The following PDZD9 variants were observed in gnomAD, a reference collection of about 807,000 sequenced individuals.
PDZD9 encodes the protein PDZ domain-containing protein 9.
A neutral mutation model predicts 16.3 loss-of-function variants in PDZD9; 13 were observed. That is an observed-to-expected ratio of 0.80 (90% confidence interval 0.52 to 1.27). PDZD9 has a LOEUF of 1.27. Among genes scored for constraint, PDZD9 ranks in the 50% most tolerant of loss-of-function variants. The pLI, the probability that PDZD9 is intolerant of heterozygous loss-of-function variation, is 0.00. For synonymous variants in PDZD9, 120 were observed against 111.0 expected (o/e 1.08, Z -0.51); for missense variants, 288 against 310.9 (o/e 0.93, Z 0.55).
At chr16:21,962,491 A>C in the PDZD9 span, 1 of 1,614,122 alleles carries the variant, frequency 6.2e-7, no homozygotes, top group Non-Finnish European at 8.5e-7. Flanking sequence ...CATGGCTTAT[A>C]CTGTGGAATG....
At chr16:21,973,083 G>C in the PDZD9 span, among the ~76,000 whole-genome samples, 1 of 152,196 alleles carries the variant, frequency 6.6e-6, no homozygotes, top group African/African-American at 2.4e-5. Flanking sequence ...CTGGGTGACA[G>C]AGCAAGACTC....
the PDZD9 span, chr16:21,971,800 G>T: frequency 7.0e-7 from 1 of 1,421,688 alleles, no homozygotes; most frequent in East Asian, 2.3e-5. Context: ...GGATGGCATG[G>T]GGAAAGCACC....
chr16:22,000,774 A>C (rs967296447), intron 1 of PDZD9, among the ~76,000 whole-genome samples: 4 of 151,156 alleles, frequency 2.6e-5, no homozygotes, highest in Admixed American at 6.6e-5. Flanking sequence ...CAGTGAGCTG[A>C]GATCGCGCCA....
At chr16:21,978,535 T>C in the PDZD9 span, among the ~76,000 whole-genome samples, 1 of 152,168 alleles carries the variant, frequency 6.6e-6, no homozygotes, top group South Asian at 2.1e-4. Flanking sequence ...TTTTCCATCA[T>C]ACCCTATGCT....
chr16:21,998,829 G>C (rs1899218108), intron 1 of PDZD9: 1 of 148,602 alleles, frequency 6.7e-6, no homozygotes. Flanking sequence ...TTGACAAAGT[G>C]AAGTTGGATG....
chr16:21,993,392 T>C, intron 2 of PDZD9, among the ~76,000 whole-genome samples: 1 of 152,232 alleles, frequency 6.6e-6, no homozygotes, highest in East Asian at 1.9e-4. Flanking sequence ...GGACCTGTCC[T>C]GGAGTTCTTT....
At chr16:21,973,358 C>T in the PDZD9 span, among the ~76,000 whole-genome samples, 1 of 151,970 alleles carries the variant, frequency 6.6e-6, no homozygotes, top group African/African-American at 2.4e-5. Context: ...TCGGGTTCAC[C>T]CTAGAGAGCT....
the PDZD9 span, among the ~76,000 whole-genome samples, chr16:21,961,686 G>C: frequency 8.5e-6 from 1 of 118,238 alleles, no homozygotes; most frequent in Non-Finnish European, 1.9e-5. Flanking sequence ...CAGTCTCGCT[G>C]TGTCGCCCAG....
At chr16:21,995,389 G>A (rs998848337) in intron 2 of PDZD9, 6 of 385,360 alleles carry the variant, frequency 1.6e-5, no homozygotes, top group Non-Finnish European at 2.1e-5. Flanking sequence ...GTGCAAGAAC[G>A]GACTAATATA....
chr16:21,988,927 C>CATT, intron 2 of PDZD9, 136 bp from the exon 3 acceptor site: 1 of 598,314 alleles, frequency 1.7e-6, no homozygotes, highest in Non-Finnish European at 2.6e-6. Context: ...CAGGCTTCAG[C>CATT]CTTTTTTTTT....
the PDZD9 span, among the ~76,000 whole-genome samples, chr16:21,960,066 C>T: frequency 6.6e-6 from 1 of 152,180 alleles, no homozygotes; most frequent in Admixed American, 6.5e-5. Flanking sequence ...TCACCAGCTG[C>T]ATTAGTCCCC....
chr16:21,962,544 C>G, the PDZD9 span: 1 of 1,613,956 alleles, frequency 6.2e-7, no homozygotes, highest in East Asian at 2.2e-5. Flanking sequence ...TTTAGGACTT[C>G]TGCTTTGAAA....
the PDZD9 span, chr16:21,962,890 G>A: frequency 3.1e-6 from 5 of 1,612,778 alleles, no homozygotes; most frequent in Non-Finnish European, 4.2e-6. Flanking sequence ...AGACTCGTAA[G>A]TACATTTCCA....
chr16:21,986,295 G>T (rs1213191274), intron 3 of PDZD9, among the ~76,000 whole-genome samples: 1 of 152,180 alleles, frequency 6.6e-6, no homozygotes, highest in African/African-American at 2.4e-5. Context: ...AAGGGAATCA[G>T]CAGGTGCTTG....
the PDZD9 span, among the ~76,000 whole-genome samples, chr16:21,972,432 T>G: frequency 6.6e-6 from 1 of 152,214 alleles, no homozygotes; most frequent in Non-Finnish European, 1.5e-5. Flanking sequence ...AGATTCTAAC[T>G]AGTCTTTTTT....
chr16:21,958,829 T>C, the PDZD9 span, among the ~76,000 whole-genome samples: 1 of 152,168 alleles, frequency 6.6e-6, no homozygotes, highest in Non-Finnish European at 1.5e-5. Flanking sequence ...CTCAGAGATG[T>C]TGCAGGTTCT....
At chr16:21,972,097 C>T in the PDZD9 span, 1 of 1,613,854 alleles carries the variant, frequency 6.2e-7, no homozygotes, top group Non-Finnish European at 8.5e-7. Context: ...CAGGCTGTTG[C>T]CAAGGCAACT....
chr16:21,999,973 G>C (rs1186664034), intron 1 of PDZD9, among the ~76,000 whole-genome samples: 1 of 152,174 alleles, frequency 6.6e-6, no homozygotes, highest in Admixed American at 6.5e-5. Flanking sequence ...CCTGGAAGGC[G>C]GGGGTTGCAG....
At chr16:21,999,152 G>C (rs985849946) in intron 1 of PDZD9, 13 of 155,714 alleles carry the variant, frequency 8.3e-5, no homozygotes, top group African/African-American at 3.1e-4. Flanking sequence ...AGATGGAAAA[G>C]GTATTTTATG....
Sources: gnomAD v4.1 joint callset for allele counts (sites outside exome capture counted in the v4.1 genomes callset) on GRCh38, gnomAD v4.1.1 for gene constraint, MANE v1.5 for transcripts, NCBI Gene and HGNC (gene_info 2026-07-23, HGNC 2026-07-21) for gene names.